Variants in OSBPL3 observed in about 807,000 individuals in gnomAD.
The protein encoded by OSBPL3 is oxysterol-binding protein-related protein 3.
A neutral mutation model predicts 120.1 loss-of-function variants in OSBPL3; 65 were observed. That is an observed-to-expected ratio of 0.54 (90% CI 0.44 to 0.67). OSBPL3 has a LOEUF of 0.67. Ranked by LOEUF, OSBPL3 falls within the 30% of genes least tolerant of loss-of-function variation. OSBPL3 has a pLI of 0.00. For synonymous variants in OSBPL3, 416 were observed against 402.6 expected, an observed-to-expected ratio of 1.03 and a Z score of -0.40; for missense variants, 1,004 against 1,082.1, an observed-to-expected ratio of 0.93 and a Z score of 1.01.
Position 24,821,703 on chromosome 7 carries a change from A to G in OSBPL3, c.1885-1465T>C, listed in dbSNP as rs1795154072. Among the ~76,000 whole-genome samples the G allele has an allele frequency of 6.6e-6, 1 of 152,208 alleles. No individual in the cohort carries two copies. ...TCAATAAACACCAACGCCAGCTGCA[A>G]TACAAAGCAGGAGACTCAAATCTGC... On this transcript the variant is annotated intron_variant, in intron 16 of 22. Transcript: ENST00000313367. This position sits in a 1 kb window ranked among gnomAD's most constrained non-coding sequence, Gnocchi z 5.5.
At chr7:24,840,927 C>A (rs1797661532) in intron 13 of OSBPL3, 144 bp from the exon 14 acceptor site, 1 of 519,390 alleles carries the variant, frequency 1.9e-6, no homozygotes, top group Admixed American at 4.3e-5. Flanking sequence ...GGTCCATATA[C>A]CAATCTGCCA....
At chr7:24,949,555 C>T (rs1278443538) in intron 1 of OSBPL3, among the ~76,000 whole-genome samples, 2 of 152,196 alleles carry the variant, frequency 1.3e-5, no homozygotes, top group African/African-American at 2.4e-5. Flanking sequence ...ATTCCCTCCA[C>T]CCACCTCTGA....
chr7:24,940,818 C>CTTTT lies in OSBPL3; in HGVS notation c.-150+39064_-150+39067dup, dbSNP rs113229664. Among the ~76,000 whole-genome samples, 3 of 145,074 alleles carry CTTTT rather than the reference C, an allele frequency of 2.1e-5. No homozygotes were observed. Among genetic ancestry groups the CTTTT allele is most frequent in the South Asian group, 4.4e-4 (2 of 4,576 alleles). Reference sequence around the variant, plus strand: ...TTCTTAACATTTCTTCCTTTTTTTTCTTTTTTTTTTTGTGTGTGTGTGACG... The same window carrying CTTTT: ...TTCTTAACATTTCTTCCTTTTTTTTCTTTTTTTTTTTTTTTGTGTGTGTGTGACG... On this transcript the variant is annotated intron_variant, in intron 1 of 22. Coordinates refer to ENST00000313367, the MANE Select transcript of OSBPL3 (RefSeq NM_015550.4). The surrounding 1 kb of genome is among the most constrained non-coding windows in gnomAD (Gnocchi z 4.4).
At chr7:24,897,320 CTTTTTTTTTTTTT>C (rs35715609) in intron 1 of OSBPL3, among the ~76,000 whole-genome samples, 1 of 102,254 alleles carries the variant, frequency 9.8e-6, no homozygotes, top group South Asian at 3.7e-4. Flanking sequence ...ATGGCAGAAT[CTTTTTTTTTTTTT>C]TTTTTTTTTT....
At position 24,863,302 on chromosome 7, in the gene OSBPL3, A is replaced by G. The variant is rs1421961831; in HGVS notation, c.778-10T>C. ...TTTCAAAAGATCCACCCTTTGTTTCAAAACAGGAAAGAGAGCACAGACAGT... is the reference window on the plus strand; with the variant it reads ...TTTCAAAAGATCCACCCTTTGTTTCGAAACAGGAAAGAGAGCACAGACAGT... On this transcript the variant is annotated splice_polypyrimidine_tract_variant and intron_variant, in intron 8 of 22. Transcript: ENST00000313367. The surrounding 1 kb of genome is among the most constrained non-coding windows in gnomAD (Gnocchi z 5.8). 6.2e-7 allele frequency: 1 copy of G among 1,610,774 alleles called. No homozygotes were observed. Among genetic ancestry groups the G allele is most frequent in the Non-Finnish European group, 8.5e-7 (1 of 1,176,936 alleles).
Position 24,959,483 on chromosome 7 carries a change from A to G in OSBPL3, c.-150+20403T>C, listed in dbSNP as rs1435785654. 1.3e-5 allele frequency among the ~76,000 whole-genome samples: 2 copies of G among 152,210 alleles called. No individual in the cohort carries two copies. Among genetic ancestry groups the G allele is most frequent in the African/African-American group, 4.8e-5 (2 of 41,458 alleles). ...TAACATGAGTCAATTTACATAAGTT[A>G]CAAAAACAAGCAAAGCTAATCTGAT... is the stretch of plus-strand genomic sequence containing the variant. On this transcript the variant is annotated intron_variant, in intron 1 of 22. Coordinates refer to ENST00000313367, the MANE Select transcript of OSBPL3 (RefSeq NM_015550.4). This position sits in a 1 kb window ranked among gnomAD's most constrained non-coding sequence, Gnocchi z 4.3.
chr7:24,918,033 A>T lies in OSBPL3; in HGVS notation c.-149-25412T>A, dbSNP rs1455034421. The T allele has an allele frequency of 4.1e-6, 4 of 974,104 alleles. No homozygotes were observed. In the African/African-American group the frequency reaches 7.0e-5, roughly 17 times the overall value. 60.3% of individuals were successfully genotyped at this position (974,104 alleles called of 1,614,324 possible). A position where few individuals can be genotyped will look rare whatever the true frequency, so the allele number is the denominator to read the frequency against. On this transcript the variant is annotated intron_variant, in intron 1 of 22. Transcript: ENST00000313367. The surrounding 1 kb of genome is among the most constrained non-coding windows in gnomAD (Gnocchi z 4.3). ...AGTGATCCTATGAGTCCATAAAATG[A>T]CTAGCACTCTTACCTATAAAGGTTG...
At chr7:24,868,488 T>C (rs542544378) in intron 5 of OSBPL3, among the ~76,000 whole-genome samples, 1 of 151,818 alleles carries the variant, frequency 6.6e-6, no homozygotes, top group South Asian at 2.1e-4. Flanking sequence ...TCCAAAAGGA[T>C]GCACAGTAGG....
In OSBPL3 at chr7:24,925,660, T is replaced by G. The variant is rs977374347; in HGVS notation, c.-149-33039A>C. The stretch of plus-strand genomic sequence containing the variant: ...CTAAACATGCATTCAGCAGTTCCTA[T>G]TTTGATTGGAACGTTTCATCGCTTT... On this transcript the variant is annotated intron_variant, in intron 1 of 22. Transcript: ENST00000313367. Among the ~76,000 whole-genome samples, 3 of 152,348 alleles carry G rather than the reference T, an allele frequency of 2.0e-5. No homozygotes were observed. In the East Asian group the frequency reaches 5.8e-4, roughly 29 times the overall value.
intron 2 of OSBPL3, among the ~76,000 whole-genome samples, chr7:24,886,655 G>A (rs1804570039): frequency 6.6e-6 from 1 of 152,226 alleles, no homozygotes; most frequent in Non-Finnish European, 1.5e-5. Context: ...ATAAAAGGAT[G>A]TATAAACAGG....
chr7:24,979,830 C>A (rs983123180), intron 1 of OSBPL3, 56 bp downstream of exon 1: 10 of 695,854 alleles, frequency 1.4e-5, no homozygotes, highest in Non-Finnish European at 1.7e-5. Context: ...GAGCCCGCGC[C>A]GCCGCCAGGC....
chr7:24,861,701 A>C lies in OSBPL3; in HGVS notation c.939T>G (p.Phe313Leu). ...CATCAGAATAATTTTTCTCTTCTCCAAAATCTAGTGTTGACAAATTAGGAT... is the reference window on the plus strand; with the variant it reads ...CATCAGAATAATTTTTCTCTTCTCCCAAATCTAGTGTTGACAAATTAGGAT... ...SSNPNLSTLD[F>L]GEEKNYSDGS... The change falls in exon 10 of 23, where the codon TTT (phenylalanine) becomes TTG (leucine). Residue 313 changes from phenylalanine to leucine, a missense_variant. By Grantham distance (22) the Phe-to-Leu change is conservative. This residue lies in a region of OSBPL3 where 272 missense variants were observed against 248.8 expected (regional missense o/e 1.09). Transcript: ENST00000313367. 6.2e-7 allele frequency: 1 copy of C among 1,612,382 alleles called. No individual in the cohort carries two copies. Among genetic ancestry groups the C allele is most frequent in the Non-Finnish European group, 8.5e-7 (1 of 1,178,786 alleles).
chr7:24,810,031 TAGAG>T, intron 19 of OSBPL3, 80 bp from the exon 20 acceptor site: 1 of 1,515,176 alleles, frequency 6.6e-7, no homozygotes, highest in Middle Eastern at 1.7e-4. Flanking sequence ...AAGGAAAAGC[TAGAG>T]AAAGGACTGT....
chr7:24,839,512 CAA>C (rs1797428368), intron 14 of OSBPL3, among the ~76,000 whole-genome samples: 2 of 152,164 alleles, frequency 1.3e-5, no homozygotes, highest in Non-Finnish European at 2.9e-5. Context: ...TGGGTCCGTC[CAA>C]GAGATAGCCA....
In OSBPL3 at chr7:24,883,514, AG is replaced by A. The variant is rs1260458520; in HGVS notation, c.96+8862del. On this transcript the variant is annotated intron_variant, in intron 2 of 22. Transcript: ENST00000313367. This position sits in a 1 kb window ranked among gnomAD's most constrained non-coding sequence, Gnocchi z 5.4. ...TGCTCTCAACCAGAGCATCTGGGCC[AG>A]GGTTCTGCCTTCCTGTATCTTAAAT... Among the ~76,000 whole-genome samples the A allele has an allele frequency of 6.6e-6, 1 of 152,202 alleles. No homozygotes were observed. The highest frequency in any genetic ancestry group is 1.5e-5 in the Non-Finnish European group (1 of 68,030).
Position 24,879,856 on chromosome 7 carries a change from ACT to A in OSBPL3, c.97-7789_97-7788del, listed in dbSNP as rs1237369747. On this transcript the variant is annotated intron_variant, in intron 2 of 22. Transcript: ENST00000313367. This position sits in a 1 kb window ranked among gnomAD's most constrained non-coding sequence, Gnocchi z 5.6. ...TCACTCAGCATTTATGGCTACAATT[ACT>A]TTGGCATGTTTTTAGGCCCCTCAGA... is the stretch of plus-strand genomic sequence containing the variant. Among the ~76,000 whole-genome samples, 1 of 152,214 alleles carries A rather than the reference ACT, an allele frequency of 6.6e-6. No individual in the cohort carries two copies. The highest frequency in any genetic ancestry group is 2.4e-5 in the African/African-American group (1 of 41,464).
rs1327974615 is a variant in OSBPL3 at position 24,870,763 on chromosome 7, A to T, written c.350T>A (p.Leu117His). 6.2e-7 allele frequency: 1 copy of T among 1,612,138 alleles called. No individual in the cohort carries two copies. The highest frequency in any genetic ancestry group is 2.2e-5 in the East Asian group (1 of 44,880). The change falls in exon 5 of 23, where the codon CTT becomes CAT. Residue 117 changes from leucine (L) to histidine (H), a missense_variant. Around this residue, in one of 4 missense-constraint regions of OSBPL3, gnomAD observed 255 missense variants for 248.7 expected, o/e 1.03. Coordinates refer to ENST00000313367, the MANE Select transcript of OSBPL3 (RefSeq NM_015550.4). ...ATGGTAGATGTGCTCCTCGGTGTCAAGGTCTATGCATTTTGATGACTTCTT... is the reference window on the plus strand; with the variant it reads ...ATGGTAGATGTGCTCCTCGGTGTCATGGTCTATGCATTTTGATGACTTCTT... ...SVKKSSKCID[L>H]DTEEHIYHLK...
intron 1 of OSBPL3, among the ~76,000 whole-genome samples, chr7:24,948,537 T>C (rs186195415): frequency 1.1e-4 from 16 of 152,332 alleles, no homozygotes; most frequent in Admixed American, 3.3e-4. Flanking sequence ...AGATGGTGTA[T>C]AGGATTGGGT....
chr7:24,950,788 GA>G (rs1364109660), intron 1 of OSBPL3, among the ~76,000 whole-genome samples: 4 of 152,154 alleles, frequency 2.6e-5, no homozygotes, highest in African/African-American at 9.7e-5. Context: ...AGGGTGAAAT[GA>G]AAGAAAGAGG....
Sources: gnomAD v4.1 joint callset for allele counts (sites outside exome capture counted in the v4.1 genomes callset) on GRCh38, gnomAD v4.1.1 for gene constraint, gnomAD v4.1.1 regional missense constraint, Gnocchi (gnomAD v3.1) non-coding constraint, MANE v1.5 for transcripts, NCBI Gene and HGNC (gene_info 2026-07-23, HGNC 2026-07-21) for gene names.